SCAPER: variants seen among roughly 807,000 people sequenced by gnomAD.
The protein encoded by SCAPER is S-phase cyclin A associated protein in the ER, also known as S phase cyclin A-associated protein in the endoplasmic reticulum.
In SCAPER, 98 loss-of-function variants were observed where a neutral mutation model predicts 182.2. That is an observed-to-expected ratio of 0.54 (90% confidence interval 0.46 to 0.64). The LOEUF is 0.64. Ranked by LOEUF, SCAPER falls within the 30% of genes least tolerant of loss-of-function variation. The pLI is 0.00. For synonymous variants in SCAPER, 605 were observed against 564.6 expected (o/e 1.07, Z -1.01); for missense variants, 1,432 against 1,690.0 (o/e 0.85, Z 2.68).
intron 5 of SCAPER, among the ~76,000 whole-genome samples, chr15:76,816,623 A>G (rs2067102092): frequency 6.6e-6 from 1 of 151,994 alleles, no homozygotes. Flanking sequence ...ATAACAATAA[A>G]TAGTATAAAA....
intron 15 of SCAPER, among the ~76,000 whole-genome samples, chr15:76,744,318 C>A (rs747861946): frequency 6.6e-6 from 1 of 152,074 alleles, no homozygotes; most frequent in Non-Finnish European, 1.5e-5. Flanking sequence ...ATCTTCTGCA[C>A]AGCCAAAGAA....
chr15:76,581,194 A>G (rs1357719768), intron 22 of SCAPER, among the ~76,000 whole-genome samples: 2 of 152,154 alleles, frequency 1.3e-5, no homozygotes, highest in African/African-American at 4.8e-5. Flanking sequence ...AAAGTCCAGG[A>G]CCTGATGGCT....
At chr15:76,882,271 G>A (rs1017830307) in intron 2 of SCAPER, among the ~76,000 whole-genome samples, 5 of 151,964 alleles carry the variant, frequency 3.3e-5, no homozygotes, top group Admixed American at 1.3e-4. Flanking sequence ...TGCACCTATA[G>A]TTCCAAGCTA....
chr15:76,652,845 T>C (rs915114400), intron 21 of SCAPER, among the ~76,000 whole-genome samples: 5 of 151,954 alleles, frequency 3.3e-5, no homozygotes, highest in African/African-American at 9.7e-5. Flanking sequence ...TCACCACTCC[T>C]ATCCAACACA....
chr15:76,706,735 C>CT (rs1280808560), intron 17 of SCAPER, among the ~76,000 whole-genome samples: 1 of 152,060 alleles, frequency 6.6e-6, no homozygotes, highest in African/African-American at 2.4e-5. Context: ...CAAGTAGCAT[C>CT]TTTCTACTTT....
intron 29 of SCAPER, among the ~76,000 whole-genome samples, chr15:76,366,533 G>C (rs1324921218): frequency 2.6e-5 from 4 of 152,154 alleles, no homozygotes; most frequent in Admixed American, 6.5e-5. Flanking sequence ...GATTTCTTCT[G>C]CTTTCATCTC....
intron 27 of SCAPER, among the ~76,000 whole-genome samples, chr15:76,397,788 A>G (rs2044184974): frequency 1.3e-5 from 2 of 152,002 alleles, no homozygotes; most frequent in Admixed American, 1.3e-4. Flanking sequence ...GGAGACTTTT[A>G]TTATAGCTTC....
chr15:76,786,703 G>A (rs2064636647), intron 8 of SCAPER, among the ~76,000 whole-genome samples: 1 of 152,058 alleles, frequency 6.6e-6, no homozygotes, highest in Non-Finnish European at 1.5e-5. Flanking sequence ...ATACAGACAG[G>A]AAAGGAGGAA....
chr15:76,410,130 T>G (rs2045183212), intron 26 of SCAPER, among the ~76,000 whole-genome samples: 1 of 152,148 alleles, frequency 6.6e-6, no homozygotes, highest in Non-Finnish European at 1.5e-5. Context: ...AGTACTAGTT[T>G]ATGAATATTT....
Position 76,585,849 on chromosome 15 carries a change from C to T in SCAPER, c.2712-11565G>A, listed in dbSNP as rs571421610. Among the ~76,000 whole-genome samples the T allele has an allele frequency of 2.3e-4, 35 of 152,256 alleles. 1 individual carries two copies. In the South Asian group the frequency reaches 6.0e-3, roughly 26 times the overall value. On this transcript the variant is annotated intron_variant, in intron 22 of 31. Coordinates refer to ENST00000563290, the MANE Select transcript of SCAPER (RefSeq NM_020843.4). ...ATTATAGAATGTCAGAGAAGTCAAG[C>T]TCTGAGAGCTATATTTTCCTCACAG...
intron 14 of SCAPER, 146 bp from the exon 15 acceptor site, chr15:76,754,094 T>C (rs1363137582): frequency 6.7e-6 from 6 of 899,810 alleles, no homozygotes; most frequent in South Asian, 2.0e-5. Context: ...ACACAGACTA[T>C]GAAGCCAGAC....
At position 76,579,001 on chromosome 15, in the gene SCAPER, T is replaced by C. The variant is rs538668160; in HGVS notation, c.2712-4717A>G. On this transcript the variant is annotated intron_variant, in intron 22 of 31. Transcript: ENST00000563290. ...CTATCAGATACATTTAGCGAAGAGA[T>C]AAAAATAATTTAAAATAATCTTTGG... Among the ~76,000 whole-genome samples, 6 of 152,298 alleles carry C rather than the reference T, an allele frequency of 3.9e-5. No individual in the cohort carries two copies. The South Asian group carries it at 1.0e-3, about 26-fold the overall frequency.
intron 20 of SCAPER, among the ~76,000 whole-genome samples, chr15:76,691,481 G>A (rs571739968): frequency 6.6e-6 from 1 of 152,032 alleles, no homozygotes; most frequent in African/African-American, 2.4e-5. Context: ...CTGCAAAGGC[G>A]ATACACAAAT....
chr15:76,569,087 T>C (rs1407007135), intron 23 of SCAPER, among the ~76,000 whole-genome samples: 1 of 152,086 alleles, frequency 6.6e-6, no homozygotes, highest in Non-Finnish European at 1.5e-5. Context: ...AGAACCCCCA[T>C]TTTAAGCAGA....
intron 22 of SCAPER, among the ~76,000 whole-genome samples, chr15:76,602,463 C>G (rs1360558636): frequency 8.3e-6 from 1 of 121,010 alleles, no homozygotes; most frequent in African/African-American, 2.5e-5. Flanking sequence ...TTTGGTCTTT[C>G]AGGATTTTTC....
intron 17 of SCAPER, among the ~76,000 whole-genome samples, chr15:76,716,198 CT>C (rs2150922456): frequency 6.6e-6 from 1 of 152,284 alleles, no homozygotes. Flanking sequence ...ACAGTCTTCA[CT>C]GACACTGATC....
Position 76,771,734 on chromosome 15 carries a change from G to A in SCAPER, c.1248+8C>T, listed in dbSNP as rs750407553. 3 of 1,607,474 alleles carry A rather than the reference G, an allele frequency of 1.9e-6. No individual in the cohort carries two copies. The highest frequency in any genetic ancestry group is 2.2e-5 in the South Asian group (2 of 90,874). ...ATAAGTTGTTCTTACCAAGTTAGCA[G>A]CACTCACATTTGAAATATCTGAAGG... On this transcript the variant is annotated splice_region_variant and intron_variant, in intron 10 of 31. Coordinates refer to ENST00000563290, the MANE Select transcript of SCAPER (RefSeq NM_020843.4).
chr15:76,692,213 C>T (rs558897740), intron 20 of SCAPER, among the ~76,000 whole-genome samples: 51 of 152,080 alleles, frequency 3.4e-4, no homozygotes, highest in African/African-American at 6.0e-4. Flanking sequence ...TGTGTTTTTT[C>T]GAGTTATCCA....
At chr15:76,714,007 G>A (rs1426741140) in intron 17 of SCAPER, among the ~76,000 whole-genome samples, 1 of 151,950 alleles carries the variant, frequency 6.6e-6, no homozygotes, top group Non-Finnish European at 1.5e-5. Flanking sequence ...GAGGTAAAAG[G>A]ACTGTAATTT....
Sources: allele counts gnomAD v4.1 joint callset (sites outside exome capture counted in the v4.1 genomes callset), GRCh38; gene constraint gnomAD v4.1.1; transcripts MANE v1.5; gene names NCBI Gene and HGNC (gene_info 2026-07-23, HGNC 2026-07-21).